SPATA7: variants seen among roughly 807,000 people sequenced by gnomAD.
SPATA7 encodes the protein spermatogenesis-associated protein 7.
In SPATA7, 43 loss-of-function variants were observed where a neutral mutation model predicts 51.8. That is an observed-to-expected ratio of 0.83 (90% CI 0.65 to 1.07). The LOEUF is 1.07. Among genes scored for constraint, SPATA7 ranks in the 50% least tolerant of loss-of-function variants. The pLI, the probability that SPATA7 is intolerant of heterozygous loss-of-function variation, is 0.00. For synonymous variants in SPATA7, 230 were observed against 252.8 expected (o/e 0.91, Z 0.86); for missense variants, 683 against 701.3 (o/e 0.97, Z 0.30).
downstream of SPATA7, among the ~76,000 whole-genome samples, chr14:88,457,653 A>G (rs950133604): frequency 5.3e-5 from 8 of 152,200 alleles, no homozygotes; most frequent in African/African-American, 1.7e-4. Context: ...TTTTAAATAT[A>G]CAATCATGTC....
At position 88,437,525 on chromosome 14, in the gene SPATA7, T is replaced by TG. The variant is rs2077120662; in HGVS notation, c.1161-18_1161-17insG. The TG allele has an allele frequency of 6.3e-7, 1 of 1,584,048 alleles. No homozygotes were observed. Among genetic ancestry groups the TG allele is most frequent in the African/African-American group, 1.3e-5 (1 of 74,296 alleles). On this transcript the variant is annotated splice_polypyrimidine_tract_variant and intron_variant, in intron 10 of 11. Coordinates refer to ENST00000393545, the MANE Select transcript of SPATA7 (RefSeq NM_018418.5). ...TTTCTGATTTTGAGACATTAACATTTTTGTTTATCATTTGTAGGTTTTTAG... is the reference window on the plus strand; with the variant it reads ...TTTCTGATTTTGAGACATTAACATTTGTTGTTTATCATTTGTAGGTTTTTAG...
At chr14:88,448,694 C>T (rs140642902) in intron 3 of SPATA7, among the ~76,000 whole-genome samples, 5,753 of 152,156 alleles carry the variant, frequency 0.038, 349 homozygotes, top group African/African-American at 0.13. Context: ...TGTTAGTTTT[C>T]CTTCTAACAG....
chr14:88,445,493 A>G (rs2077205605), intron 3 of SPATA7, among the ~76,000 whole-genome samples: 1 of 152,116 alleles, frequency 6.6e-6, no homozygotes, highest in Admixed American at 6.5e-5. Context: ...CTCCTGCCCA[A>G]TTGCCCTGGC....
At chr14:88,388,075 G>A (rs183382478) in intron 1 of SPATA7, among the ~76,000 whole-genome samples, 342 of 152,050 alleles carry the variant, frequency 2.2e-3, no homozygotes, top group African/African-American at 7.8e-3. Context: ...GGTGGCGTGC[G>A]CCTGTAGTCC....
chr14:88,464,899 AC>A (rs2077345628), intron 4 of SPATA7, among the ~76,000 whole-genome samples: 1 of 151,804 alleles, frequency 6.6e-6, no homozygotes, highest in African/African-American at 2.4e-5. Flanking sequence ...TAACATCTCA[AC>A]CCTTCTGAAA....
At chr14:88,410,705 G>T (rs1333197625) in intron 4 of SPATA7, 1 of 155,280 alleles carries the variant, frequency 6.4e-6, no homozygotes, top group Non-Finnish European at 1.4e-5. Flanking sequence ...GACCCTGTTT[G>T]CCTAGGTATC....
At chr14:88,464,495 C>G (rs1393086343) in intron 4 of SPATA7, among the ~76,000 whole-genome samples, 1 of 152,122 alleles carries the variant, frequency 6.6e-6, no homozygotes, top group East Asian at 1.9e-4. Flanking sequence ...CTTTGGGAGG[C>G]CGATGCTGGC....
chr14:88,438,621 G>A (rs532304508), downstream of SPATA7, among the ~76,000 whole-genome samples: 2 of 152,118 alleles, frequency 1.3e-5, no homozygotes, highest in Non-Finnish European at 2.9e-5. Flanking sequence ...AGCTTAGTTG[G>A]GTCCTCTGTC....
chr14:88,413,475 G>T (rs1409985779), intron 4 of SPATA7, among the ~76,000 whole-genome samples: 1 of 152,064 alleles, frequency 6.6e-6, no homozygotes, highest in Non-Finnish European at 1.5e-5. Flanking sequence ...TCTAATTATA[G>T]AATCATATCA....
chr14:88,426,915 T>C (rs543383439), intron 6 of SPATA7, among the ~76,000 whole-genome samples: 5 of 152,342 alleles, frequency 3.3e-5, no homozygotes, highest in African/African-American at 1.2e-4. Context: ...AAGCACCTTA[T>C]GCGTATGAAT....
In SPATA7 at chr14:88,391,408, A is replaced by G. The variant is rs761717545; in HGVS notation, c.47A>G (p.Tyr16Cys). ...AGAGCAACCTCTGTCCTTCCCAGAT[A>G]TGGTCCACCGTGCCTATTTAAAGGA... ...RVRATSVLPR[Y>C]GPPCLFKGHL... Residue 16 changes from tyrosine to cysteine, a missense_variant, in exon 2 of 12, where the codon TAT (tyrosine) becomes TGT (cysteine). Physicochemically the swap from Tyr to Cys is radical, Grantham distance 194. Coordinates refer to ENST00000393545, the MANE Select transcript of SPATA7 (RefSeq NM_018418.5). 1.1e-5 allele frequency: 17 copies of G among 1,613,424 alleles called. No individual in the cohort carries two copies. Among genetic ancestry groups the G allele is most frequent in the Middle Eastern group, 1.7e-4 (1 of 6,056 alleles).
chr14:88,436,659 A>G (rs565656807), intron 10 of SPATA7, among the ~76,000 whole-genome samples: 13 of 152,314 alleles, frequency 8.5e-5, no homozygotes, highest in African/African-American at 3.1e-4. Flanking sequence ...CAGTTTTCCC[A>G]TTACCATTTA....
chr14:88,415,660 T>A, intron 4 of SPATA7, among the ~76,000 whole-genome samples: 1 of 152,288 alleles, frequency 6.6e-6, no homozygotes, highest in Admixed American at 6.5e-5. Context: ...GTTTGCTTTG[T>A]AGTCTTGATT....
chr14:88,414,591 G>T, intron 4 of SPATA7: 2 of 312,122 alleles, frequency 6.4e-6, no homozygotes, highest in Non-Finnish European at 1.3e-5. Flanking sequence ...TCTACTACTA[G>T]CTTTGGGATT....
intron 3 of SPATA7, among the ~76,000 whole-genome samples, chr14:88,443,572 G>C (rs1248990603): frequency 6.6e-6 from 1 of 152,004 alleles, no homozygotes; most frequent in Non-Finnish European, 1.5e-5. Flanking sequence ...ATGCTGGTGC[G>C]CTGCACCCAC....
Position 88,469,914 on chromosome 14 carries a change from G to A in SPATA7, c.*47G>A, listed in dbSNP as rs766124523. ...TGAGAAAATCACTTAAGAGAAATAA[G>A]TACCTACCTCTTCTGCTGTCACCAT... On this transcript the variant is annotated 3_prime_UTR_variant, in exon 5 of 5. Transcript: ENST00000556406. The surrounding 1 kb of genome is among the most constrained non-coding windows in gnomAD (Gnocchi z 4.3). 1 of 1,613,880 alleles carries A rather than the reference G, an allele frequency of 6.2e-7. No homozygotes were observed. The highest frequency in any genetic ancestry group is 8.5e-7 in the Non-Finnish European group (1 of 1,179,984).
At chr14:88,403,538 C>G (rs1459338641) in intron 4 of SPATA7, among the ~76,000 whole-genome samples, 1 of 152,126 alleles carries the variant, frequency 6.6e-6, no homozygotes, top group Non-Finnish European at 1.5e-5. Flanking sequence ...AAAACCCACA[C>G]CACATAGCCT....
chr14:88,460,887 G>A (rs952145551), intron 4 of SPATA7, among the ~76,000 whole-genome samples: 2 of 152,288 alleles, frequency 1.3e-5, no homozygotes, highest in Admixed American at 1.3e-4. Context: ...ATGGGGTTTT[G>A]ATGTGGATGT....
chr14:88,468,803 G>A, intron 4 of SPATA7: 1 of 1,343,400 alleles, frequency 7.4e-7, no homozygotes, highest in South Asian at 1.3e-5. Context: ...AACATCTTGA[G>A]GCCACCACAG....
Sources: allele counts gnomAD v4.1 joint callset (sites outside exome capture counted in the v4.1 genomes callset), GRCh38; gene constraint gnomAD v4.1.1; non-coding constraint Gnocchi (gnomAD v3.1); transcripts MANE v1.5; gene names NCBI Gene and HGNC (gene_info 2026-07-23, HGNC 2026-07-21).